UNC5D: variants seen among roughly 807,000 people sequenced by gnomAD.
UNC5D encodes the protein netrin receptor UNC5D.
A neutral mutation model predicts 105.4 loss-of-function variants in UNC5D; 39 were observed. The observed-to-expected ratio is 0.37, with a 90% CI of 0.29 to 0.48. UNC5D has a LOEUF of 0.48. UNC5D is among the 20% of genes least tolerant of loss of function. UNC5D has a pLI of 0.98. For synonymous variants in UNC5D, 452 were observed against 450.4 expected (o/e 1.00, Z -0.04); for missense variants, 991 against 1,202.4 (o/e 0.82, Z 2.60).
intron 1 of UNC5D, among the ~76,000 whole-genome samples, chr8:35,485,008 T>C (rs1012242989): frequency 1.3e-5 from 2 of 152,214 alleles, no homozygotes; most frequent in African/African-American, 4.8e-5. Flanking sequence ...CTTTTAAAAA[T>C]TGTTTTATTT....
chr8:35,487,723 G>A (rs971485278), intron 1 of UNC5D, among the ~76,000 whole-genome samples: 1 of 152,080 alleles, frequency 6.6e-6, no homozygotes, highest in African/African-American at 2.4e-5. Context: ...GAGGGATATA[G>A]GTAGAAAGAG....
chr8:35,292,951 A>G (rs1387645643), intron 1 of UNC5D, among the ~76,000 whole-genome samples: 2 of 152,052 alleles, frequency 1.3e-5, no homozygotes, highest in East Asian at 3.9e-4. Flanking sequence ...CGGCCTTCCA[A>G]ATTGCTGGGA....
intron 4 of UNC5D, among the ~76,000 whole-genome samples, chr8:35,676,951 A>T (rs1165123373): frequency 2.6e-5 from 4 of 151,962 alleles, no homozygotes; most frequent in Non-Finnish European, 4.4e-5. Context: ...ACGGGCCATC[A>T]TATAAGAATC....
intron 4 of UNC5D, among the ~76,000 whole-genome samples, chr8:35,631,161 T>A (rs1186436253): frequency 6.6e-6 from 1 of 151,796 alleles, no homozygotes; most frequent in Non-Finnish European, 1.5e-5. Flanking sequence ...AAAATACAAA[T>A]AATTAACTGG....
chr8:35,322,060 G>A (rs186759919), intron 1 of UNC5D, among the ~76,000 whole-genome samples: 44 of 152,244 alleles, frequency 2.9e-4, no homozygotes, highest in Middle Eastern at 6.8e-3. Flanking sequence ...GTAGATGTTC[G>A]CTTTTATTAT....
chr8:35,664,148 A>G (rs35439733), intron 4 of UNC5D, among the ~76,000 whole-genome samples: 78,068 of 152,006 alleles, frequency 0.51, 23,655 homozygotes, highest in Middle Eastern at 0.66. Context: ...GAATAGTTTC[A>G]TCTTAACTCA....
chr8:35,477,058 T>A (rs1810153743), intron 1 of UNC5D, among the ~76,000 whole-genome samples: 1 of 152,192 alleles, frequency 6.6e-6, no homozygotes, highest in East Asian at 1.9e-4. Flanking sequence ...AGCCCCCTTG[T>A]AGGTCCTTCT....
chr8:35,478,746 C>T (rs559664772), intron 1 of UNC5D, among the ~76,000 whole-genome samples: 6 of 152,114 alleles, frequency 3.9e-5, no homozygotes, highest in Non-Finnish European at 8.8e-5. Flanking sequence ...ACATTCTATG[C>T]TTTTTGATCA....
chr8:35,574,843 CT>C (rs1472552908), intron 3 of UNC5D, among the ~76,000 whole-genome samples: 1 of 152,068 alleles, frequency 6.6e-6, no homozygotes, highest in Admixed American at 6.6e-5. Flanking sequence ...GGATGTGGGA[CT>C]CATTTTCCCC....
At chr8:35,334,561 G>A (rs935683606) in intron 1 of UNC5D, among the ~76,000 whole-genome samples, 1 of 150,042 alleles carries the variant, frequency 6.7e-6, no homozygotes, top group Non-Finnish European at 1.5e-5. Context: ...TGCCCAGGCT[G>A]GGGTGCAATG....
At chr8:35,297,355 T>C (rs769033492) in intron 1 of UNC5D, among the ~76,000 whole-genome samples, 1 of 152,224 alleles carries the variant, frequency 6.6e-6, no homozygotes, top group Non-Finnish European at 1.5e-5. Flanking sequence ...ATTACAGGCA[T>C]CTACATATCA....
At chr8:35,410,392 A>G (rs370159447) in intron 1 of UNC5D, among the ~76,000 whole-genome samples, 2 of 152,080 alleles carry the variant, frequency 1.3e-5, no homozygotes, top group East Asian at 1.9e-4. Flanking sequence ...TAGCAGTACC[A>G]TGGAAGGGTT....
At chr8:35,502,100 T>C (rs778144127) in intron 1 of UNC5D, among the ~76,000 whole-genome samples, 1 of 152,206 alleles carries the variant, frequency 6.6e-6, no homozygotes, top group Non-Finnish European at 1.5e-5. Context: ...TTAATCCTCA[T>C]TGGTACATAT....
At chr8:35,715,020 G>A (rs1468798933) in intron 8 of UNC5D, among the ~76,000 whole-genome samples, 13 of 152,250 alleles carry the variant, frequency 8.5e-5, no homozygotes, top group Non-Finnish European at 1.3e-4. Flanking sequence ...GTGTGGTGGC[G>A]CATGCCTGTA....
intron 1 of UNC5D, among the ~76,000 whole-genome samples, chr8:35,408,452 A>C (rs572789411): frequency 6.6e-6 from 1 of 150,440 alleles, no homozygotes; most frequent in Non-Finnish European, 1.5e-5. Flanking sequence ...CGTTGGAGGA[A>C]CCTCCTTTCT....
chr8:35,726,718 C>A, intron 10 of UNC5D, 189 bp downstream of exon 10: 1 of 836,924 alleles, frequency 1.2e-6, no homozygotes, highest in Non-Finnish European at 1.8e-6. Context: ...ATTTTGCAGT[C>A]TTCATCTCAG....
chr8:35,777,954 A>G (rs1021400194), intron 16 of UNC5D, among the ~76,000 whole-genome samples: 1 of 152,080 alleles, frequency 6.6e-6, no homozygotes, highest in East Asian at 1.9e-4. Flanking sequence ...GGCTCTAGGT[A>G]TTTTCATTCT....
rs1364759887 is a variant in UNC5D, at chr8:35,380,082, G to A, written c.103+144195G>A. On this transcript the variant is annotated intron_variant, in intron 1 of 16. Coordinates refer to ENST00000404895, the MANE Select transcript of UNC5D (RefSeq NM_080872.4). ...TGTAGAAAACTCTTAACCTATAATTGGGGGTGGGGGGGGGGTCGGGGAGAG... is the reference window on the plus strand; with the variant it reads ...TGTAGAAAACTCTTAACCTATAATTAGGGGTGGGGGGGGGGTCGGGGAGAG... Among the ~76,000 whole-genome samples, 15 of 47,574 alleles carry A rather than the reference G, an allele frequency of 3.2e-4. No individual in the cohort carries two copies. The South Asian group carries it at 6.7e-3, about 21-fold the overall frequency. 31.2% of individuals were successfully genotyped at this position (47,574 alleles called of 152,430 possible).
intron 1 of UNC5D, among the ~76,000 whole-genome samples, chr8:35,274,117 T>C (rs1805608652): frequency 6.6e-6 from 1 of 152,124 alleles, no homozygotes; most frequent in Non-Finnish European, 1.5e-5. Context: ...ATCTTGTCTT[T>C]GTAAAGTTCA....
Sources: gnomAD v4.1 joint callset for allele counts (sites outside exome capture counted in the v4.1 genomes callset) on GRCh38, gnomAD v4.1.1 for gene constraint, MANE v1.5 for transcripts, NCBI Gene and HGNC (gene_info 2026-07-23, HGNC 2026-07-21) for gene names.